CRYZ: variants seen among roughly 807,000 people sequenced by gnomAD.
The protein encoded by CRYZ is zeta-crystallin.
In CRYZ, 35 loss-of-function variants were observed where a neutral mutation model predicts 34.1. The observed-to-expected ratio is 1.03, with a 90% CI of 0.78 to 1.36. The LOEUF is 1.36. Among genes scored for constraint, CRYZ ranks in the 40% most tolerant of loss-of-function variants. The pLI is 0.00. For missense variants in CRYZ, 403 were observed against 391.8 expected (o/e 1.03, Z -0.24); for synonymous variants, 137 against 136.5 (o/e 1.00, Z -0.03).
At chr1:74,725,530 C>T (rs1368554578) in intron 1 of CRYZ, among the ~76,000 whole-genome samples, 1 of 150,294 alleles carries the variant, frequency 6.7e-6, no homozygotes, top group African/African-American at 2.5e-5. Context: ...AGGTCCCTCC[C>T]ATGACACATG....
rs750334120 is a variant in CRYZ at position 74,706,972 on chromosome 1, A to G, written c.755T>C (p.Ile252Thr). 13 of 1,613,052 alleles carry G rather than the reference A, an allele frequency of 8.1e-6. No individual in the cohort carries two copies. Among genetic ancestry groups the G allele is most frequent in the Admixed American group, 1.7e-5 (1 of 59,932 alleles). The change falls in exon 8 of 9, where the codon ATT becomes ACT. Residue 252 changes from isoleucine to threonine, a missense_variant. Physicochemically the swap from Ile to Thr is moderately conservative, Grantham distance 89. Transcript: ENST00000340866. ...RVIVVGSRGT[I>T]EINPRDTMAK... ...CATGGTGTCTCGTGGGTTTATTTCA[A>G]TAGTACCTCTGCTGCCAACAACCTA...
At chr1:74,709,953 G>T (rs1200414231) in intron 6 of CRYZ, 145 bp downstream of exon 6, 18 of 618,220 alleles carry the variant, frequency 2.9e-5, no homozygotes, top group Non-Finnish European at 4.4e-5. Context: ...TTTAAATAAA[G>T]TTTTAAAACA....
chr1:74,709,873 C>T (rs1646977484), intron 6 of CRYZ, among the ~76,000 whole-genome samples: 1 of 152,100 alleles, frequency 6.6e-6, no homozygotes, highest in Non-Finnish European at 1.5e-5. Context: ...TCTAGAGAAG[C>T]TATATTCTAT....
At chr1:74,724,952 T>C in intron 1 of CRYZ, 118 bp from the exon 2 acceptor site, 1 of 582,856 alleles carries the variant, frequency 1.7e-6, no homozygotes, top group Non-Finnish European at 3.0e-6. Flanking sequence ...AATCATGAGC[T>C]TACCACTGAT....
At chr1:74,707,267 T>G (rs1646943744) in intron 6 of CRYZ, 63 bp from the exon 7 acceptor site, 2 of 868,576 alleles carry the variant, frequency 2.3e-6, no homozygotes, top group African/African-American at 1.7e-5. Context: ...ATAGCTACTA[T>G]CTGTACAAGA....
chr1:74,720,177 A>C (rs967192533), intron 3 of CRYZ, among the ~76,000 whole-genome samples: 6 of 152,090 alleles, frequency 3.9e-5, no homozygotes, highest in African/African-American at 1.4e-4. Flanking sequence ...AGAAGAAACA[A>C]ATAAGATATG....
At chr1:74,728,871 G>T (rs1282074646) in intron 1 of CRYZ, among the ~76,000 whole-genome samples, 2 of 152,188 alleles carry the variant, frequency 1.3e-5, no homozygotes, top group African/African-American at 4.8e-5. Context: ...AGAGGCAGAA[G>T]CAGGCCTACG....
Position 74,719,482 on chromosome 1 carries a change from T to C in CRYZ, c.265-110A>G, listed in dbSNP as rs562515871. On this transcript the variant is annotated intron_variant, in intron 3 of 8. Coordinates refer to ENST00000340866, the MANE Select transcript of CRYZ (RefSeq NM_001889.4). The stretch of plus-strand genomic sequence containing the variant: ...GTGAGTACTCATATATTGTCCTCTA[T>C]AGGGTCTCATATAAATAATTTTTTT... 15 of 966,086 alleles carry C rather than the reference T, an allele frequency of 1.6e-5. No individual in the cohort carries two copies. The African/African-American group carries it at 2.1e-4, about 14-fold the overall frequency. The allele number at this position is 966,086 out of a possible 1,614,324, so 59.8% of individuals were successfully genotyped here.
At chr1:74,726,730 T>G (rs1485367401) in intron 1 of CRYZ, among the ~76,000 whole-genome samples, 1 of 152,216 alleles carries the variant, frequency 6.6e-6, no homozygotes, top group African/African-American at 2.4e-5. Context: ...TTTCTGAAAT[T>G]TTATGCTCTG....
chr1:74,732,314 G>GC (rs1327645474), intron 1 of CRYZ, among the ~76,000 whole-genome samples: 3 of 146,858 alleles, frequency 2.0e-5, no homozygotes, highest in African/African-American at 7.6e-5. Context: ...GTGGGAAGGA[G>GC]CCCTACCTAG....
chr1:74,707,080 AAAAAAAG>A lies in CRYZ; in HGVS notation c.732+16_732+22del, dbSNP rs747175696. The A allele has an allele frequency of 4.5e-6, 7 of 1,560,986 alleles. No homozygotes were observed. Among genetic ancestry groups the A allele is most frequent in the Admixed American group, 2.0e-5 (1 of 50,650 alleles). On this transcript the variant is annotated intron_variant, in intron 7 of 8. Transcript: ENST00000340866. ...GTAAAACATTAAAGTGGTAAAAAAA[AAAAAAAG>A]AAAAGGAATACTTACTATCACTCGT...
intron 4 of CRYZ, among the ~76,000 whole-genome samples, chr1:74,718,252 C>T (rs964549633): frequency 2.0e-5 from 3 of 152,050 alleles, no homozygotes; most frequent in Non-Finnish European, 2.9e-5. Context: ...CTACCAGAAC[C>T]CTTGCTCTGG....
chr1:74,716,320 C>T (rs976884529), intron 4 of CRYZ, among the ~76,000 whole-genome samples: 5 of 152,060 alleles, frequency 3.3e-5, no homozygotes, highest in African/African-American at 1.2e-4. Flanking sequence ...GATAGATAGA[C>T]AGACAGACAC....
rs1478329320 is a variant in CRYZ, at chr1:74,707,194, C to T, written c.641G>A (p.Gly214Asp). 1 of 1,516,938 alleles carries T rather than the reference C, an allele frequency of 6.6e-7. No homozygotes were observed. Among genetic ancestry groups the T allele is most frequent in the Non-Finnish European group, 9.0e-7 (1 of 1,106,174 alleles). 94.0% of individuals were successfully genotyped at this position (1,516,938 alleles called of 1,614,324 possible). The change falls in exon 7 of 9, where the codon GGT (glycine) becomes GAT (aspartate). Residue 214 changes from glycine (G) to aspartate (D), a missense_variant. Coordinates refer to ENST00000340866, the MANE Select transcript of CRYZ (RefSeq NM_001889.4). The part of the protein sequence containing the change: ...NYIDKIKKYV[G>D]EKGIDIIIEM... ...AATAATTATATCAATTCCTTTCTCA[C>T]CAACATACTTCTATATAATAAAAGA...
At position 74,723,215 on chromosome 1, in the gene CRYZ, G is replaced by C. The variant is rs1647195397; in HGVS notation, c.167C>G (p.Ser56Cys). ...GAGTGGTTTTCTACTATAAGTACCA[G>C]AGCGAATGTATGTCTCCACGGGGTT... ...GVNPVETYIR[S>C]GTYSRKPLLP... The change falls in exon 3 of 9, where the codon TCT (serine) becomes TGT (cysteine). Residue 56 changes from serine to cysteine, a missense_variant. Physicochemically the swap from Ser to Cys is moderately radical, Grantham distance 112. Coordinates refer to ENST00000340866, the MANE Select transcript of CRYZ (RefSeq NM_001889.4). 1 of 1,613,898 alleles carries C rather than the reference G, an allele frequency of 6.2e-7. No individual in the cohort carries two copies. Among genetic ancestry groups the C allele is most frequent in the African/African-American group, 1.3e-5 (1 of 74,912 alleles).
chr1:74,706,139 T>C lies in CRYZ; in HGVS notation c.*157A>G. 1.8e-6 allele frequency: 1 copy of C among 564,358 alleles called. No individual in the cohort carries two copies. The highest frequency in any genetic ancestry group is 3.1e-5 in the East Asian group (1 of 32,574). 35.0% of individuals were successfully genotyped at this position (564,358 alleles called of 1,614,324 possible). ...AAAATATTGCTAGCTATACAATAAA[T>C]TTTACTCTTCTGCTTCTGCTCTCTA... On this transcript the variant is annotated 3_prime_UTR_variant, in exon 9 of 9. Coordinates refer to ENST00000340866, the MANE Select transcript of CRYZ (RefSeq NM_001889.4).
chr1:74,713,446 T>C (rs572380371), intron 5 of CRYZ, among the ~76,000 whole-genome samples: 2 of 152,266 alleles, frequency 1.3e-5, no homozygotes, highest in African/African-American at 4.8e-5. Flanking sequence ...AGTTAAACAG[T>C]GGGAGTTTTG....
chr1:74,711,035 G>A (rs986832972), intron 5 of CRYZ, among the ~76,000 whole-genome samples: 1 of 152,290 alleles, frequency 6.6e-6, no homozygotes, highest in Admixed American at 6.5e-5. Flanking sequence ...GGTCAGCCAC[G>A]TGGAGGATGC....
chr1:74,718,347 A>G (rs534395061), intron 4 of CRYZ, among the ~76,000 whole-genome samples: 1 of 152,138 alleles, frequency 6.6e-6, no homozygotes, highest in Non-Finnish European at 1.5e-5. Flanking sequence ...TACACACAGC[A>G]GATAAGTCAT....
Sources: gnomAD v4.1 joint callset for allele counts (sites outside exome capture counted in the v4.1 genomes callset) on GRCh38, gnomAD v4.1.1 for gene constraint, MANE v1.5 for transcripts, NCBI Gene and HGNC (gene_info 2026-07-23, HGNC 2026-07-21) for gene names.